ZNF385D: variants seen among roughly 807,000 people sequenced by gnomAD.
The protein encoded by ZNF385D is zinc finger protein 385D, also known as zinc finger protein 659.
ZNF385D carries 15 observed loss-of-function variants against 35.8 expected under a neutral mutation model. The ratio of observed to expected loss-of-function variants is 0.42; its 90% CI spans 0.28 to 0.64. The LOEUF (loss-of-function observed/expected upper bound fraction) is 0.64, where lower values mean the gene tolerates loss of function less well. Ranked by LOEUF, ZNF385D falls within the 30% of genes least tolerant of loss-of-function variation. The pLI is 0.23. For synonymous variants in ZNF385D, 212 were observed against 186.8 expected (o/e 1.13, Z -1.10); for missense variants, 474 against 494.6 (o/e 0.96, Z 0.39).
intron 4 of ZNF385D, among the ~76,000 whole-genome samples, chr3:21,496,029 C>G (rs1705815391): frequency 6.6e-6 from 1 of 151,806 alleles, no homozygotes; most frequent in Non-Finnish European, 1.5e-5. Flanking sequence ...AAACCAATAA[C>G]AAGTTCCAAA....
intron 3 of ZNF385D, among the ~76,000 whole-genome samples, chr3:22,021,436 T>C (rs1697219114): frequency 1.3e-5 from 2 of 151,904 alleles, no homozygotes; most frequent in Admixed American, 1.3e-4. Context: ...ATAGAAACAA[T>C]ATTATTACTA....
chr3:21,836,537 G>A (rs1695341334), intron 3 of ZNF385D, among the ~76,000 whole-genome samples: 7 of 152,008 alleles, frequency 4.6e-5, no homozygotes, highest in Admixed American at 4.6e-4. Context: ...CTCCATCCTA[G>A]AACAAAAGTT....
rs145197191 is a variant in ZNF385D, at chr3:22,243,716, G to A, written c.107-74681C>T. ...TACCTGTATTGTTTGAAAGAAAGGA[G>A]GGTAGGCAGCTCTCAGATATTGAGC... is the stretch of plus-strand genomic sequence containing the variant. On this transcript the variant is annotated intron_variant, in intron 2 of 5. Coordinates refer to the ZNF385D transcript ENST00000494108. Among the ~76,000 whole-genome samples the A allele has an allele frequency of 4.3e-3, 644 of 151,032 alleles. 35 individuals are homozygous for A. The South Asian group carries it at 0.045, about 11-fold the overall frequency.
At chr3:21,921,737 C>G (rs1406014237) in intron 3 of ZNF385D, among the ~76,000 whole-genome samples, 28 of 151,286 alleles carry the variant, frequency 1.9e-4, no homozygotes, top group Admixed American at 1.8e-3. Context: ...ACTAGAAAAT[C>G]TATAGAAAAT....
At position 21,465,986 on chromosome 3, in the gene ZNF385D, G is replaced by A. The variant is rs1162746134; in HGVS notation, c.440-28783C>T. On this transcript the variant is annotated intron_variant, in intron 4 of 7. Coordinates refer to ENST00000281523, the MANE Select transcript of ZNF385D (RefSeq NM_024697.3). The surrounding 1 kb of genome is among the most constrained non-coding windows in gnomAD (Gnocchi z 4.2). ...GGTTTGCAAAAATCTTAGAAAAGTG[G>A]GTCTCCATCTTCATTTCTAATAGCA... is the stretch of plus-strand genomic sequence containing the variant. Among the ~76,000 whole-genome samples, 1 of 151,966 alleles carries A rather than the reference G, an allele frequency of 6.6e-6. No homozygotes were observed. Among genetic ancestry groups the A allele is most frequent in the Non-Finnish European group, 1.5e-5 (1 of 67,992 alleles).
intron 1 of ZNF385D, among the ~76,000 whole-genome samples, chr3:21,685,649 G>A (rs1056801232): frequency 2.0e-5 from 3 of 152,084 alleles, no homozygotes; most frequent in Admixed American, 6.6e-5. Flanking sequence ...AAATCTCAAG[G>A]GCTCTGAATA....
chr3:22,225,325 G>A (rs1698490431), intron 2 of ZNF385D, among the ~76,000 whole-genome samples: 1 of 152,066 alleles, frequency 6.6e-6, no homozygotes, highest in Admixed American at 6.6e-5. Context: ...CATTTGTCAG[G>A]GCATGTGTTT....
chr3:22,256,540 A>G (rs1184846772), intron 2 of ZNF385D, among the ~76,000 whole-genome samples: 1 of 151,834 alleles, frequency 6.6e-6, no homozygotes, highest in South Asian at 2.1e-4. Context: ...TTTGGAATCT[A>G]TGTGGGTATA....
chr3:21,959,988 T>C (rs1406135904), intron 3 of ZNF385D, among the ~76,000 whole-genome samples: 1 of 134,848 alleles, frequency 7.4e-6, no homozygotes, highest in Non-Finnish European at 1.6e-5. Flanking sequence ...AGTAGGCAAA[T>C]ATTTGATGGC....
intron 2 of ZNF385D, among the ~76,000 whole-genome samples, chr3:22,212,582 A>G (rs1697595050): frequency 6.6e-6 from 1 of 151,970 alleles, no homozygotes. Context: ...AAACAAATCA[A>G]GCTTAATGTG....
chr3:22,138,473 A>C (rs1704295762), intron 3 of ZNF385D, among the ~76,000 whole-genome samples: 1 of 152,124 alleles, frequency 6.6e-6, no homozygotes, highest in Non-Finnish European at 1.5e-5. Flanking sequence ...ACAGAGATAT[A>C]GACCAACGGA....
chr3:22,042,002 A>G (rs931864952), intron 3 of ZNF385D, among the ~76,000 whole-genome samples: 2 of 152,158 alleles, frequency 1.3e-5, no homozygotes, highest in African/African-American at 4.8e-5. Context: ...TTGCCTTACA[A>G]AAGTTGGAAA....
At chr3:22,281,523 C>T (rs1189236181) in intron 2 of ZNF385D, among the ~76,000 whole-genome samples, 3 of 151,912 alleles carry the variant, frequency 2.0e-5, no homozygotes, top group East Asian at 1.9e-4. Flanking sequence ...GTTCTGGTTA[C>T]GTGGTATATC....
intron 1 of ZNF385D, among the ~76,000 whole-genome samples, chr3:21,726,098 G>A (rs2068752863): frequency 6.6e-6 from 1 of 152,156 alleles, no homozygotes; most frequent in Admixed American, 6.6e-5. Flanking sequence ...CTCAATAGAT[G>A]TAGAGAAGGC....
chr3:22,103,842 G>A (rs1472886984), intron 3 of ZNF385D, among the ~76,000 whole-genome samples: 1 of 151,926 alleles, frequency 6.6e-6, no homozygotes. Flanking sequence ...ACTTTACACG[G>A]AAAGGGAAAA....
At chr3:21,554,764 C>G (rs578239567) in intron 3 of ZNF385D, among the ~76,000 whole-genome samples, 3 of 152,166 alleles carry the variant, frequency 2.0e-5, no homozygotes, top group Non-Finnish European at 4.4e-5. Flanking sequence ...TGCAGCTTCA[C>G]CGTGCACGTT....
chr3:22,138,401 A>G (rs1249674582), intron 3 of ZNF385D, among the ~76,000 whole-genome samples: 1 of 152,158 alleles, frequency 6.6e-6, no homozygotes, highest in Non-Finnish European at 1.5e-5. Context: ...GCATCACACT[A>G]CCTGACTTCA....
At chr3:21,837,240 G>T (rs1055964133) in intron 3 of ZNF385D, among the ~76,000 whole-genome samples, 5 of 152,096 alleles carry the variant, frequency 3.3e-5, no homozygotes, top group African/African-American at 1.2e-4. Context: ...ACTTCTTTCA[G>T]TCATCAGTCC....
intron 3 of ZNF385D, among the ~76,000 whole-genome samples, chr3:21,785,125 G>A (rs1174837478): frequency 1.3e-5 from 2 of 152,066 alleles, no homozygotes; most frequent in Non-Finnish European, 2.9e-5. Flanking sequence ...TGTGAAAATG[G>A]AGGATAAAAG....
Sources: gnomAD v4.1 joint callset for allele counts (sites outside exome capture counted in the v4.1 genomes callset) on GRCh38, gnomAD v4.1.1 for gene constraint, Gnocchi (gnomAD v3.1) non-coding constraint, MANE v1.5 for transcripts, NCBI Gene and HGNC (gene_info 2026-07-23, HGNC 2026-07-21) for gene names.